The following WNT9B variants were observed in gnomAD, a reference collection of about 807,000 sequenced individuals.
The protein encoded by WNT9B is protein Wnt-9b.
In WNT9B, 12 loss-of-function variants were observed where a neutral mutation model predicts 30.2. The ratio of observed to expected loss-of-function variants is 0.40; its 90% confidence interval spans 0.26 to 0.64. The LOEUF is 0.64. Ranked by LOEUF, WNT9B falls within the 30% of genes least tolerant of loss-of-function variation. The pLI is 0.42. For synonymous variants in WNT9B, 218 were observed against 216.9 expected (o/e 1.01, Z -0.05); for missense variants, 442 against 485.2 (o/e 0.91, Z 0.84).
chr17:46,862,727 C>G (rs1389295178), intron 1 of WNT9B, among the ~76,000 whole-genome samples: 2 of 152,128 alleles, frequency 1.3e-5, no homozygotes, highest in Non-Finnish European at 2.9e-5. Flanking sequence ...GGACAACAGG[C>G]GTCTACCACC....
chr17:46,864,412 C>A lies in WNT9B; in HGVS notation c.78-8105C>A, dbSNP rs879408475. Among the ~76,000 whole-genome samples, 20 of 152,196 alleles carry A rather than the reference C, an allele frequency of 1.3e-4. 1 individual carries two copies. The highest frequency in any genetic ancestry group is 1.3e-3 in the Admixed American group (20 of 15,280). The stretch of plus-strand genomic sequence containing the variant: ...CCCTCTATCTAGCCAAGTATGTTCT[C>A]AAGCACTGGTATTGTATCAGACTCT... On this transcript the variant is annotated intron_variant, in intron 1 of 3. Coordinates refer to ENST00000290015, the MANE Select transcript of WNT9B (RefSeq NM_003396.3).
At chr17:46,871,878 G>A (rs73987093) in intron 1 of WNT9B, among the ~76,000 whole-genome samples, 5,925 of 152,166 alleles carry the variant, frequency 0.039, 174 homozygotes, top group African/African-American at 0.079. Flanking sequence ...CCAGGCATCT[G>A]TTTGTACCAG....
rs1057484248 is a variant in WNT9B, at chr17:46,877,071, G to A, written c.*353G>A. On this transcript the variant is annotated 3_prime_UTR_variant, in exon 4 of 4. Transcript: ENST00000290015. ...AGGGGCTATTCCATCTTGCTTCCTG[G>A]GATGAATGGCTTGGAGCCAGCATGT... 1 of 1,086,114 alleles carries A rather than the reference G, an allele frequency of 9.2e-7. No homozygotes were observed. The highest frequency in any genetic ancestry group is 1.6e-5 in the African/African-American group (1 of 60,998). 67.3% of individuals were successfully genotyped at this position (1,086,114 alleles called of 1,614,324 possible).
chr17:46,836,081 T>C (rs1186358383), intron 1 of WNT9B, among the ~76,000 whole-genome samples: 2 of 136,312 alleles, frequency 1.5e-5, no homozygotes, highest in African/African-American at 5.8e-5. Context: ...GAACAGCAGC[T>C]GGAGAGACGC....
intron 1 of WNT9B, among the ~76,000 whole-genome samples, chr17:46,864,794 C>A (rs936767860): frequency 6.6e-6 from 1 of 152,120 alleles, no homozygotes; most frequent in Non-Finnish European, 1.5e-5. Flanking sequence ...TCGCCTTGGA[C>A]GACCAATCTT....
intron 1 of WNT9B, among the ~76,000 whole-genome samples, chr17:46,838,927 G>T (rs909675605): frequency 1.2e-4 from 18 of 152,240 alleles, no homozygotes; most frequent in Admixed American, 6.5e-4. Flanking sequence ...GCCCAGGCTG[G>T]AGTGAAGTGG....
chr17:46,876,145 A>T (rs1043819363), intron 3 of WNT9B, 100 bp from the exon 4 acceptor site: 3 of 1,178,498 alleles, frequency 2.5e-6, no homozygotes, highest in African/African-American at 3.1e-5. Context: ...TCTCTTTCCC[A>T]TTCTCCTGCC....
At position 46,875,201 on chromosome 17, in the gene WNT9B, T is replaced by C; in HGVS notation, c.435T>C (p.Cys145=). 1 of 1,614,060 alleles carries C rather than the reference T, an allele frequency of 6.2e-7. No homozygotes were observed. Among genetic ancestry groups the C allele is most frequent in the Non-Finnish European group, 8.5e-7 (1 of 1,180,026 alleles). The change falls in exon 3 of 4, where the codon TGT becomes TGC. Residue 145 remains cysteine, a synonymous_variant. Transcript: ENST00000290015. ...CTGGGCGCATGGAGCGCTGCACCTG[T>C]GATGACTCTCCGGGGCTGGAGAGCC... ...CSAGRMERCT[C]DDSPGLESRQ...
chr17:46,882,634 A>G (rs1451246179), downstream of WNT9B, among the ~76,000 whole-genome samples: 1 of 152,084 alleles, frequency 6.6e-6, no homozygotes, highest in Non-Finnish European at 1.5e-5. Flanking sequence ...GGCGGGAAGC[A>G]TCCTATGCCT....
At chr17:46,833,446 T>C (rs2084581817) in intron 1 of WNT9B, 3 of 512,104 alleles carry the variant, frequency 5.9e-6, no homozygotes, top group African/African-American at 1.9e-5. Context: ...AGAAGGTGAG[T>C]GTTAGGGAGG....
At position 46,876,380 on chromosome 17, in the gene WNT9B, G is replaced by C. The variant is rs748976950; in HGVS notation, c.736G>C (p.Val246Leu). The change falls in exon 4 of 4, where the codon GTC becomes CTC. Residue 246 changes from valine to leucine, a missense_variant. Physicochemically the swap from Val to Leu is conservative, Grantham distance 32. Coordinates refer to ENST00000290015, the MANE Select transcript of WNT9B (RefSeq NM_003396.3). Reference sequence around the variant, plus strand: ...GCTGAAACTGCGCTATGACTCGGCTGTCAAGGTGTCCAGTGCCACCAATGA... The same window carrying C: ...GCTGAAACTGCGCTATGACTCGGCTCTCAAGGTGTCCAGTGCCACCAATGA... Reference protein sequence around the residue: ...QVLKLRYDSAVKVSSATNEAL... With the variant: ...QVLKLRYDSALKVSSATNEAL... The C allele has an allele frequency of 6.2e-7, 1 of 1,613,974 alleles. No homozygotes were observed. Among genetic ancestry groups the C allele is most frequent in the South Asian group, 1.1e-5 (1 of 91,092 alleles).
intron 1 of WNT9B, among the ~76,000 whole-genome samples, chr17:46,862,775 G>A (rs988556622): frequency 1.3e-5 from 2 of 152,164 alleles, no homozygotes; most frequent in African/African-American, 4.8e-5. Flanking sequence ...GTAGAGATGG[G>A]GTTTTACCAT....
At chr17:46,880,897 T>G (rs1004928261), downstream of WNT9B, among the ~76,000 whole-genome samples, 20 of 152,194 alleles carry the variant, frequency 1.3e-4, no homozygotes, top group African/African-American at 4.8e-4. Flanking sequence ...GGAGCCCTCA[T>G]GCTATGGCAA....
chr17:46,839,378 G>A (rs2084672259), intron 1 of WNT9B, among the ~76,000 whole-genome samples: 2 of 152,378 alleles, frequency 1.3e-5, no homozygotes, highest in South Asian at 2.1e-4. Flanking sequence ...GCGGGTCCAG[G>A]CAGCACTGGC....
upstream of WNT9B, among the ~76,000 whole-genome samples, chr17:46,846,931 A>G (rs1444253503): frequency 6.6e-6 from 1 of 152,210 alleles, no homozygotes; most frequent in East Asian, 1.9e-4. Context: ...AAGGTCACAG[A>G]GGACTCCAGT....
In WNT9B at chr17:46,879,257, C is replaced by G. The variant is rs537444758; in HGVS notation, c.*2539C>G. The stretch of plus-strand genomic sequence containing the variant: ...GATACAGCCTGACCTGACCGGGTCC[C>G]CCACTGAGCAGGAGGCCGGGTCGCT... On this transcript the variant is annotated 3_prime_UTR_variant, in exon 4 of 4. Transcript: ENST00000290015. 2.0e-5 allele frequency among the ~76,000 whole-genome samples: 3 copies of G among 152,262 alleles called. No individual in the cohort carries two copies. The South Asian group carries it at 6.2e-4, about 32-fold the overall frequency.
chr17:46,833,699 G>A (rs1162622041), intron 1 of WNT9B, among the ~76,000 whole-genome samples: 2 of 152,174 alleles, frequency 1.3e-5, no homozygotes, highest in African/African-American at 4.8e-5. Flanking sequence ...CAGTGCATGT[G>A]TGCACTGAGC....
At chr17:46,839,683 G>A (rs966587759) in intron 1 of WNT9B, among the ~76,000 whole-genome samples, 9 of 151,692 alleles carry the variant, frequency 5.9e-5, no homozygotes, top group African/African-American at 1.9e-4. Context: ...CCCTCCCCCA[G>A]TCCCCCCCGC....
At chr17:46,835,232 G>C (rs1163051770) in intron 1 of WNT9B, among the ~76,000 whole-genome samples, 1 of 151,586 alleles carries the variant, frequency 6.6e-6, no homozygotes, top group Non-Finnish European at 1.5e-5. Context: ...TCTTTTTTGA[G>C]ACAGAGTCTC....
Sources: allele counts gnomAD v4.1 joint callset (sites outside exome capture counted in the v4.1 genomes callset), GRCh38; gene constraint gnomAD v4.1.1; transcripts MANE v1.5; gene names NCBI Gene and HGNC (gene_info 2026-07-23, HGNC 2026-07-21).